Variants in CDH13 observed in about 807,000 individuals in gnomAD.
The protein encoded by CDH13 is cadherin 13.
Under a neutral mutation model 63.8 loss-of-function variants are expected in CDH13, and 24 were observed. The observed-to-expected ratio is 0.38, with a 90% CI of 0.27 to 0.53. The LOEUF (loss-of-function observed/expected upper bound fraction) is 0.53. Ranked by LOEUF, CDH13 falls within the 20% of genes least tolerant of loss-of-function variation. The pLI is 0.85. For missense variants in CDH13, 1,049 were observed against 903.1 expected, an observed-to-expected ratio of 1.16 and a Z score of -2.07; for synonymous variants, 503 against 355.3, an observed-to-expected ratio of 1.42 and a Z score of -4.67.
chr16:83,526,320 A>G (rs192995372), intron 7 of CDH13, among the ~76,000 whole-genome samples: 346 of 152,296 alleles, frequency 2.3e-3, no homozygotes, highest in Non-Finnish European at 1.0e-3. Context: ...GCCTCAATCA[A>G]TAGTCCGCAA....
intron 10 of CDH13, among the ~76,000 whole-genome samples, chr16:83,708,041 T>A (rs1907399973): frequency 6.6e-6 from 1 of 152,098 alleles, no homozygotes; most frequent in Non-Finnish European, 1.5e-5. Context: ...CCAGAAGGCA[T>A]GAGCTCCATG....
At chr16:82,902,973 T>C (rs1477839334) in intron 2 of CDH13, among the ~76,000 whole-genome samples, 1 of 152,214 alleles carries the variant, frequency 6.6e-6, no homozygotes, top group Non-Finnish European at 1.5e-5. Flanking sequence ...TTTGTCTTCA[T>C]GGCTAGCAAC....
chr16:82,964,410 G>A (rs532558241), intron 2 of CDH13, among the ~76,000 whole-genome samples: 1 of 152,320 alleles, frequency 6.6e-6, no homozygotes, highest in East Asian at 1.9e-4. Flanking sequence ...TGTGACAGCA[G>A]GTAGCCCTCT....
At chr16:83,720,828 C>A (rs941337243) in intron 10 of CDH13, among the ~76,000 whole-genome samples, 1 of 152,310 alleles carries the variant, frequency 6.6e-6, no homozygotes, top group South Asian at 2.1e-4. Flanking sequence ...CTTGTGACTG[C>A]CTCTTCTTTC....
At chr16:82,713,812 AAAAACAAAC>A (rs2032144848) in intron 1 of CDH13, among the ~76,000 whole-genome samples, 1 of 149,626 alleles carries the variant, frequency 6.7e-6, no homozygotes, top group Non-Finnish European at 1.5e-5. Flanking sequence ...TTGTGAAAAA[AAAAACAAAC>A]AAAAAAAAAG....
At chr16:82,862,039 G>A (rs1001478574) in intron 2 of CDH13, among the ~76,000 whole-genome samples, 1 of 152,188 alleles carries the variant, frequency 6.6e-6, no homozygotes, top group Non-Finnish European at 1.5e-5. Context: ...CAGAAAGGAG[G>A]CATCCATTTA....
intron 5 of CDH13, among the ~76,000 whole-genome samples, chr16:83,258,849 G>C (rs942795615): frequency 5.3e-5 from 8 of 152,296 alleles, no homozygotes; most frequent in Admixed American, 1.3e-4. Context: ...ACTCTCATTT[G>C]AATAAACCTT....
At chr16:83,368,884 TTA>T (rs150563585) in intron 6 of CDH13, among the ~76,000 whole-genome samples, 88 of 47,550 alleles carry the variant, frequency 1.9e-3, no homozygotes, top group South Asian at 7.4e-3. Context: ...GTATTCCATG[TTA>T]TATATATATA....
At chr16:82,659,998 T>C (rs959650543) in intron 1 of CDH13, among the ~76,000 whole-genome samples, 16 of 152,320 alleles carry the variant, frequency 1.1e-4, no homozygotes, top group Admixed American at 3.3e-4. Flanking sequence ...CTTAAGAAGT[T>C]GAGGCATATC....
chr16:83,690,804 C>G (rs1032905431), intron 10 of CDH13, among the ~76,000 whole-genome samples: 5 of 152,136 alleles, frequency 3.3e-5, no homozygotes, highest in African/African-American at 1.2e-4. Flanking sequence ...TCACTGCTAC[C>G]TCTGCCTCCC....
In CDH13 at chr16:83,206,929, C is replaced by T. The variant is rs1338204945; in HGVS notation, c.484-10416C>T. Among the ~76,000 whole-genome samples, 4 of 152,104 alleles carry T rather than the reference C, an allele frequency of 2.6e-5. No homozygotes were observed. In the East Asian group the frequency reaches 7.7e-4, roughly 29 times the overall value. On this transcript the variant is annotated intron_variant, in intron 4 of 13. Coordinates refer to ENST00000567109, the MANE Select transcript of CDH13 (RefSeq NM_001257.5). ...CCACAGTAGGTTAAACAAACAAACA[C>T]ATTAAGGGAGGACTGGATAAAATCA...
chr16:83,728,706 T>C (rs1456926919), intron 10 of CDH13, among the ~76,000 whole-genome samples: 1 of 152,220 alleles, frequency 6.6e-6, no homozygotes, highest in Non-Finnish European at 1.5e-5. Context: ...TATGTTTATA[T>C]ATTAGGTTGG....
At position 83,671,027 on chromosome 16, in the gene CDH13, G is replaced by C. The variant is rs957655948; in HGVS notation, c.1284+55G>C. On this transcript the variant is annotated intron_variant, in intron 9 of 13. Coordinates refer to ENST00000567109, the MANE Select transcript of CDH13 (RefSeq NM_001257.5). Reference sequence around the variant, plus strand: ...CTCATGCGAGCACGGAGGGCCCCATGAGGCAGCTCATAGAATCATTGAGTT... The same window carrying C: ...CTCATGCGAGCACGGAGGGCCCCATCAGGCAGCTCATAGAATCATTGAGTT... 3 of 1,426,904 alleles carry C rather than the reference G, an allele frequency of 2.1e-6. No individual in the cohort carries two copies. In the African/African-American group the frequency reaches 4.3e-5, roughly 20 times the overall value. The allele number at this position is 1,426,904 out of a possible 1,614,324, so 88.4% of individuals were successfully genotyped here.
chr16:83,714,902 T>C (rs1354435363), intron 10 of CDH13, among the ~76,000 whole-genome samples: 2 of 152,124 alleles, frequency 1.3e-5, no homozygotes, highest in East Asian at 1.9e-4. Context: ...TCTATTTCCC[T>C]TGTGATTTTA....
At chr16:82,653,368 G>T (rs1392825230) in intron 1 of CDH13, among the ~76,000 whole-genome samples, 2 of 152,230 alleles carry the variant, frequency 1.3e-5, no homozygotes, top group Non-Finnish European at 2.9e-5. Context: ...TCAGCCTCAG[G>T]TGTGTTGGAA....
intron 7 of CDH13, among the ~76,000 whole-genome samples, chr16:83,540,249 G>A (rs146260741): frequency 2.6e-5 from 4 of 152,076 alleles, no homozygotes; most frequent in Non-Finnish European, 5.9e-5. Flanking sequence ...TATACCACTG[G>A]AGGCTATATG....
intron 7 of CDH13, among the ~76,000 whole-genome samples, chr16:83,566,817 A>G (rs1162586252): frequency 2.6e-5 from 4 of 152,186 alleles, no homozygotes; most frequent in South Asian, 2.1e-4. Flanking sequence ...GCAGAATCCC[A>G]GAGAAGAGAG....
intron 5 of CDH13, among the ~76,000 whole-genome samples, chr16:83,320,855 C>G (rs1180214134): frequency 6.6e-6 from 1 of 152,078 alleles, no homozygotes; most frequent in Non-Finnish European, 1.5e-5. Context: ...TTGGAAGTTA[C>G]CGAACAGATT....
At chr16:82,957,008 G>A (rs956973598) in intron 2 of CDH13, among the ~76,000 whole-genome samples, 1 of 152,160 alleles carries the variant, frequency 6.6e-6, no homozygotes, top group African/African-American at 2.4e-5. Flanking sequence ...TCTGAGAGAT[G>A]TGTAGGAAGC....
Sources: gnomAD v4.1 joint callset for allele counts (sites outside exome capture counted in the v4.1 genomes callset) on GRCh38, gnomAD v4.1.1 for gene constraint, MANE v1.5 for transcripts, NCBI Gene and HGNC (gene_info 2026-07-23, HGNC 2026-07-21) for gene names.